The following DVL2 variants were observed in gnomAD, a reference collection of about 807,000 sequenced individuals.
DVL2 encodes the protein segment polarity protein dishevelled homolog DVL-2.
A neutral mutation model predicts 69.8 loss-of-function variants in DVL2; 38 were observed. That is an observed-to-expected ratio of 0.54 (90% confidence interval 0.42 to 0.71). The LOEUF is 0.71. Ranked by LOEUF, DVL2 falls within the 30% of genes least tolerant of loss-of-function variation. The probability of loss-of-function intolerance (pLI) is 0.00; values close to 1 mark genes in which losing one functional copy is unlikely to be tolerated. For synonymous variants in DVL2, 428 were observed against 392.4 expected, an observed-to-expected ratio of 1.09 and a Z score of -1.07; for missense variants, 931 against 1,008.1, an observed-to-expected ratio of 0.92 and a Z score of 1.04.
rs746563345 is a variant in DVL2 at position 7,229,023 on chromosome 17, T to G, written c.980A>C (p.Asn327Thr). The change falls in exon 9 of 15, where the codon AAC (asparagine) becomes ACC (threonine). Residue 327 changes from asparagine to threonine, a missense_variant. By Grantham distance (65) the Asn-to-Thr change is moderately conservative. Transcript: ENST00000005340. The surrounding 1 kb of genome is among the most constrained non-coding windows in gnomAD (Gnocchi z 4.4). ...CCGCACAGCGTCATCGTTGCTCATG[T>G]TCTCAAAGTTCATGTCATTCACCTG... Reference protein sequence around the residue: ...LLQVNDMNFENMSNDDAVRVL... With the variant: ...LLQVNDMNFETMSNDDAVRVL... 2 of 1,614,182 alleles carry G rather than the reference T, an allele frequency of 1.2e-6. No individual in the cohort carries two copies. The highest frequency in any genetic ancestry group is 1.7e-5 in the Admixed American group (1 of 60,026).
At chr17:7,230,698 G>T in intron 2 of DVL2, 30 bp downstream of exon 2, 1 of 1,595,962 alleles carries the variant, frequency 6.3e-7, no homozygotes, top group Non-Finnish European at 8.6e-7. Flanking sequence ...ATGCTGAGGG[G>T]GCCTGGTCCT....
rs1241839195 is a variant in DVL2 at position 7,226,219 on chromosome 17, G to A, written c.1857C>T (p.Gly619=). ...ERAPESKSGS[G]SESEPSSRGG... ...CTCGGCTGGAGGGCTCAGACTCACT[G>A]CCACTGCCGGACTTGGACTCGGGGG... Residue 619 remains glycine, a synonymous_variant, in exon 15 of 15, where the codon GGC becomes GGT. Transcript: ENST00000005340. 6.2e-7 allele frequency: 1 copy of A among 1,612,318 alleles called. No individual in the cohort carries two copies. The highest frequency in any genetic ancestry group is 1.3e-5 in the African/African-American group (1 of 75,028).
chr17:7,226,529 A>G lies in DVL2; in HGVS notation c.1654T>C (p.Ser552Pro). ...GGGTGTGGGGCAGGGTATTGGTAGGAGAAAGTGGGCAGCAGGGGCCAGGGG... is the reference window on the plus strand; with the variant it reads ...GGGTGTGGGGCAGGGTATTGGTAGGGGAAAGTGGGCAGCAGGGGCCAGGGG... ...ATPWPLLPTF[S>P]YQYPAPHPYS... is the part of the protein sequence containing the mutation. Residue 552 changes from serine to proline, a missense_variant, in exon 14 of 15, where the codon TCC becomes CCC. Ser to Pro is a moderately conservative substitution (Grantham distance 74). Transcript: ENST00000005340. 1 of 1,608,124 alleles carries G rather than the reference A, an allele frequency of 6.2e-7. No homozygotes were observed.
chr17:7,229,715 A>G lies in DVL2; in HGVS notation c.657-37T>C. ...TTGGGAAGGAGAGCAAACGTAGGCC[A>G]AAGTGGTCATGGGGCCAAGAGAAAG... On this transcript the variant is annotated intron_variant, in intron 5 of 14. Coordinates refer to ENST00000005340, the MANE Select transcript of DVL2 (RefSeq NM_004422.3). The surrounding 1 kb of genome is among the most constrained non-coding windows in gnomAD (Gnocchi z 4.4). 1 of 1,569,874 alleles carries G rather than the reference A, an allele frequency of 6.4e-7. No individual in the cohort carries two copies.
chr17:7,229,053 C>A lies in DVL2; in HGVS notation c.958-8G>T. 1 of 1,614,142 alleles carries A rather than the reference C, an allele frequency of 6.2e-7. No individual in the cohort carries two copies. The highest frequency in any genetic ancestry group is 8.5e-7 in the Non-Finnish European group (1 of 1,180,032). ...AAAGTTCATGTCATTCACCTGGAAG[C>A]GACGGCAAGTGGGTCAGAGACACGG... On this transcript the variant is annotated splice_polypyrimidine_tract_variant and splice_region_variant and intron_variant, in intron 8 of 14. Transcript: ENST00000005340. This position sits in a 1 kb window ranked among gnomAD's most constrained non-coding sequence, Gnocchi z 4.4.
In DVL2 at chr17:7,229,637, A is replaced by T. The variant is rs1208017156; in HGVS notation, c.698T>A (p.Leu233His). The part of the protein sequence containing the change: ...STEQSSASRL[L>H]KRHRRRRKQR... ...CTTCCTTCGCCGCCGGTGGCGCTTA[A>T]GGAGGCGGGAGGCACTGCTCTGCTC... The change falls in exon 6 of 15, where the codon CTT becomes CAT. Residue 233 changes from leucine to histidine, a missense_variant. Physicochemically the swap from Leu to His is moderately conservative, Grantham distance 99 (BLOSUM62 -3). Around this residue, in one of 3 missense-constraint regions of DVL2, gnomAD observed 555 missense variants for 588.8 expected, o/e 0.94. Coordinates refer to ENST00000005340, the MANE Select transcript of DVL2 (RefSeq NM_004422.3). The surrounding 1 kb of genome is among the most constrained non-coding windows in gnomAD (Gnocchi z 4.4). 6.4e-7 allele frequency: 1 copy of T among 1,551,570 alleles called. No individual in the cohort carries two copies. Among genetic ancestry groups the T allele is most frequent in the African/African-American group, 1.4e-5 (1 of 72,932 alleles).
intron 1 of DVL2, among the ~76,000 whole-genome samples, chr17:7,233,106 A>AAAAAAAAAAAG (rs1567576745): frequency 6.7e-6 from 1 of 150,052 alleles, no homozygotes; most frequent in African/African-American, 2.5e-5. Context: ...AAAAAAAAAA[A>AAAAAAAAAAAG]AGCAGAGGTT....
intron 13 of DVL2, 175 bp downstream of exon 13, chr17:7,226,915 G>A (rs1369152399): frequency 2.9e-6 from 2 of 694,364 alleles, no homozygotes; most frequent in Admixed American, 3.0e-5. Context: ...TTGTCCAGCA[G>A]CACATGGGTG....
In DVL2 at chr17:7,225,475, G is replaced by A. The variant is rs1236580075; in HGVS notation, c.*390C>T. 4.7e-6 allele frequency: 2 copies of A among 422,572 alleles called. No homozygotes were observed. The highest frequency in any genetic ancestry group is 4.3e-6 in the Non-Finnish European group (1 of 230,056). The allele number at this position is 422,572 out of a possible 1,614,324, so 26.2% of individuals were successfully genotyped here. On this transcript the variant is annotated 3_prime_UTR_variant, in exon 15 of 15. Transcript: ENST00000005340. ...CTAGGATGCCTAACCCCGGGGTACC[G>A]CTGACCACCCCCAACCCTGCAAAGG...
Position 7,227,085 on chromosome 17 carries a change from C to CT in DVL2, c.1543+4dup. On this transcript the variant is annotated splice_donor_region_variant and intron_variant, in intron 13 of 14. Transcript: ENST00000005340. ...CACTCCCAGAGTTGGGGCAGGGGGA[C>CT]TTACAGCTCTCACAGCCACCACTGA... is the stretch of plus-strand genomic sequence containing the variant. 3 of 1,604,138 alleles carry CT rather than the reference C, an allele frequency of 1.9e-6. No homozygotes were observed. The highest frequency in any genetic ancestry group is 1.7e-6 in the Non-Finnish European group (2 of 1,174,596).
intron 1 of DVL2, among the ~76,000 whole-genome samples, chr17:7,233,294 T>A (rs1597554530): frequency 6.6e-6 from 1 of 151,878 alleles, no homozygotes; most frequent in South Asian, 2.1e-4. Flanking sequence ...CCAGTCTAGA[T>A]TGGAACATCC....
In DVL2 at chr17:7,227,200, T is replaced by C. The variant is rs753824070; in HGVS notation, c.1433A>G (p.Tyr478Cys). 2 of 1,613,674 alleles carry C rather than the reference T, an allele frequency of 1.2e-6. No homozygotes were observed. Among genetic ancestry groups the C allele is most frequent in the South Asian group, 1.1e-5 (1 of 91,064 alleles). The change falls in exon 13 of 15, where the codon TAT becomes TGT. Residue 478 changes from tyrosine to cysteine, a missense_variant. This residue lies in a region of DVL2 where 62 missense variants were observed against 105.7 expected (regional missense o/e 0.59). Coordinates refer to ENST00000005340, the MANE Select transcript of DVL2 (RefSeq NM_004422.3). ...GCCTGCTTTGAGCAGCCCGCTGGCA[T>C]ACTTGCGGGCCTCCCGCCGCTCAGG... ...GFPERREARK[Y>C]ASGLLKAGLI...
At position 7,232,299 on chromosome 17, in the gene DVL2, G is replaced by A. The variant is rs117008527; in HGVS notation, c.195-1502C>T. 1.9e-3 allele frequency among the ~76,000 whole-genome samples: 290 copies of A among 152,148 alleles called. 1 individual carries two copies. The highest frequency in any genetic ancestry group is 3.4e-3 in the Middle Eastern group (1 of 294). ...TTAGGACACCTTGTCTAATTAACCC[G>A]TTAGCCTAATATGGTCATGGGAGCC... On this transcript the variant is annotated intron_variant, in intron 1 of 14. Coordinates refer to ENST00000005340, the MANE Select transcript of DVL2 (RefSeq NM_004422.3).
chr17:7,234,014 C>A, intron 1 of DVL2, 55 bp downstream of exon 1: 1 of 1,584,344 alleles, frequency 6.3e-7, no homozygotes, highest in Non-Finnish European at 8.6e-7. Flanking sequence ...CCCTCCATGT[C>A]GCCCAATCCA....
chr17:7,228,874 G>T, intron 9 of DVL2, 95 bp downstream of exon 9: 2 of 1,312,776 alleles, frequency 1.5e-6, no homozygotes, highest in Non-Finnish European at 1.1e-6. Context: ...GAGCCACCAC[G>T]CCCGGCTGTC....
intron 1 of DVL2, among the ~76,000 whole-genome samples, chr17:7,233,729 T>G (rs1409098516): frequency 6.6e-6 from 1 of 152,148 alleles, no homozygotes; most frequent in Non-Finnish European, 1.5e-5. Context: ...ATTACAGGCG[T>G]TACAGGACTC....
chr17:7,227,910 G>A, intron 10 of DVL2, 67 bp downstream of exon 10: 1 of 1,573,242 alleles, frequency 6.4e-7, no homozygotes. Context: ...CATGACCACA[G>A]GCCCGGCCCC....
Position 7,225,497 on chromosome 17 carries a change from A to G in DVL2, c.*368T>C, listed in dbSNP as rs1177630637. On this transcript the variant is annotated 3_prime_UTR_variant, in exon 15 of 15. Transcript: ENST00000005340. Reference sequence around the variant, plus strand: ...ACCGCTGACCACCCCCAACCCTGCAAAGGGCAGGGCTGTGGGTAACTGGAG... The same window carrying G: ...ACCGCTGACCACCCCCAACCCTGCAGAGGGCAGGGCTGTGGGTAACTGGAG... 2 of 416,040 alleles carry G rather than the reference A, an allele frequency of 4.8e-6. No homozygotes were observed. The highest frequency in any genetic ancestry group is 8.8e-6 in the Non-Finnish European group (2 of 226,656). 25.8% of individuals were successfully genotyped at this position (416,040 alleles called of 1,614,324 possible). A position where few individuals can be genotyped will look rare whatever the true frequency, so the allele number is the denominator to read the frequency against.
intron 1 of DVL2, among the ~76,000 whole-genome samples, chr17:7,231,862 A>G (rs1466232876): frequency 7.9e-5 from 10 of 126,682 alleles, no homozygotes; most frequent in Non-Finnish European, 1.0e-4. Context: ...TCCACCTCAG[A>G]AAAAAAAAAA....
Sources: allele counts gnomAD v4.1 joint callset (sites outside exome capture counted in the v4.1 genomes callset), GRCh38; gene constraint gnomAD v4.1.1; regional missense constraint gnomAD v4.1.1; non-coding constraint Gnocchi (gnomAD v3.1); transcripts MANE v1.5; gene names NCBI Gene and HGNC (gene_info 2026-07-23, HGNC 2026-07-21).